The following PTPRT variants were observed in gnomAD, a reference collection of about 807,000 sequenced individuals.
The protein encoded by PTPRT is receptor-type tyrosine-protein phosphatase T.
A neutral mutation model predicts 176.8 loss-of-function variants in PTPRT; 56 were observed. The observed-to-expected ratio is 0.32, with a 90% CI of 0.26 to 0.40. The LOEUF is 0.40. Among genes scored for constraint, PTPRT ranks in the 10% least tolerant of loss-of-function variants. PTPRT has a pLI of 1.00. For missense variants in PTPRT, 1,540 were observed against 1,908.2 expected, an observed-to-expected ratio of 0.81 and a Z score of 3.60; for synonymous variants, 783 against 739.0, an observed-to-expected ratio of 1.06 and a Z score of -0.96.
intron 6 of PTPRT, among the ~76,000 whole-genome samples, chr20:42,707,881 T>C (rs1428351917): frequency 6.6e-6 from 1 of 152,154 alleles, no homozygotes; most frequent in African/African-American, 2.4e-5. Context: ...CAGCTTTGTG[T>C]TATATTGAAG....
intron 7 of PTPRT, among the ~76,000 whole-genome samples, chr20:42,564,588 G>T (rs1483355563): frequency 6.6e-6 from 1 of 152,036 alleles, no homozygotes; most frequent in Non-Finnish European, 1.5e-5. Context: ...GAGGTTGTTG[G>T]GGGGACAAGG....
At chr20:43,165,355 G>A (rs2014829068) in intron 1 of PTPRT, among the ~76,000 whole-genome samples, 1 of 152,002 alleles carries the variant, frequency 6.6e-6, no homozygotes, top group African/African-American at 2.4e-5. Flanking sequence ...TAGAGATGGG[G>A]TTTCACCATG....
chr20:42,316,026 T>C lies in PTPRT; in HGVS notation c.1866-30A>G, dbSNP rs780029646. 7.5e-6 allele frequency: 12 copies of C among 1,608,344 alleles called. No homozygotes were observed. The South Asian group carries it at 7.7e-5, about 10-fold the overall frequency. Reference sequence around the variant, plus strand: ...ACAGGAAAGAGGAGACACAGATGGTTGAGCAACTTTCTGGAAGAATGAGCT... The same window carrying C: ...ACAGGAAAGAGGAGACACAGATGGTCGAGCAACTTTCTGGAAGAATGAGCT... On this transcript the variant is annotated intron_variant, in intron 11 of 30. Transcript: ENST00000373187.
chr20:42,880,773 C>T (rs2079000943), intron 2 of PTPRT, among the ~76,000 whole-genome samples: 1 of 152,216 alleles, frequency 6.6e-6, no homozygotes, highest in Non-Finnish European at 1.5e-5. Context: ...GTAGTGAAAC[C>T]AGGTCTGAAG....
chr20:43,169,858 G>A (rs2014951984), intron 1 of PTPRT, among the ~76,000 whole-genome samples: 1 of 152,148 alleles, frequency 6.6e-6, no homozygotes, highest in African/African-American at 2.4e-5. Context: ...AGTAAGAGCT[G>A]CTGGCCACTG....
At chr20:43,160,110 GC>G (rs2014651133) in intron 1 of PTPRT, among the ~76,000 whole-genome samples, 1 of 152,146 alleles carries the variant, frequency 6.6e-6, no homozygotes, top group Admixed American at 6.5e-5. Context: ...ACAGACGTGG[GC>G]CCAGGAGACA....
At chr20:42,568,052 C>T (rs1015154523) in intron 7 of PTPRT, among the ~76,000 whole-genome samples, 5 of 151,756 alleles carry the variant, frequency 3.3e-5, no homozygotes, top group Admixed American at 6.6e-5. Flanking sequence ...TCACTGCAAC[C>T]GCCGCCTCCT....
intron 12 of PTPRT, among the ~76,000 whole-genome samples, chr20:42,297,558 A>T (rs2057405405): frequency 6.6e-6 from 1 of 152,202 alleles, no homozygotes; most frequent in South Asian, 2.1e-4. Flanking sequence ...GGGAACATGC[A>T]AGAAGAGCTA....
In PTPRT at chr20:43,189,326, T is replaced by C. The variant is rs1292430312; in HGVS notation, c.88+320A>G. Among the ~76,000 whole-genome samples, 1 of 151,956 alleles carries C rather than the reference T, an allele frequency of 6.6e-6. No individual in the cohort carries two copies. The highest frequency in any genetic ancestry group is 1.5e-5 in the Non-Finnish European group (1 of 67,988). ...CGCCCCAAACACTCAAGTGGCAGAT[T>C]CCGACAAGTGGGAGGCAGCAAGTGG... On this transcript the variant is annotated intron_variant, in intron 1 of 30. Coordinates refer to ENST00000373187, the MANE Select transcript of PTPRT (RefSeq NM_007050.6). The surrounding 1 kb of genome is among the most constrained non-coding windows in gnomAD (Gnocchi z 5.0).
chr20:42,839,835 A>C (rs1484773314), intron 2 of PTPRT, among the ~76,000 whole-genome samples: 1 of 152,120 alleles, frequency 6.6e-6, no homozygotes, highest in Non-Finnish European at 1.5e-5. Flanking sequence ...AGAGCTTTAA[A>C]AATTCTAATA....
At chr20:42,840,225 C>CGT (rs1600816651) in intron 2 of PTPRT, among the ~76,000 whole-genome samples, 1 of 151,534 alleles carries the variant, frequency 6.6e-6, no homozygotes, top group East Asian at 1.9e-4. Flanking sequence ...TGCGTTGTCA[C>CGT]GTTTTTCTCC....
chr20:43,174,820 G>T (rs2015087891), intron 1 of PTPRT, among the ~76,000 whole-genome samples: 1 of 152,192 alleles, frequency 6.6e-6, no homozygotes, highest in African/African-American at 2.4e-5. Context: ...ACCAAACCAT[G>T]AGTAGTGTCA....
chr20:42,268,163 C>T (rs917788397), intron 13 of PTPRT, among the ~76,000 whole-genome samples: 2 of 152,160 alleles, frequency 1.3e-5, no homozygotes, highest in African/African-American at 4.8e-5. Flanking sequence ...GCCATTATTG[C>T]TACCAGGGGA....
intron 1 of PTPRT, among the ~76,000 whole-genome samples, chr20:42,906,022 G>A (rs961114427): frequency 2.0e-5 from 3 of 151,988 alleles, no homozygotes; most frequent in Non-Finnish European, 2.9e-5. Flanking sequence ...CCTATGTATC[G>A]AACCTGCACG....
At chr20:42,799,921 T>G (rs1437251279) in intron 2 of PTPRT, among the ~76,000 whole-genome samples, 2 of 152,212 alleles carry the variant, frequency 1.3e-5, no homozygotes, top group East Asian at 3.9e-4. Flanking sequence ...GGCTTGGATT[T>G]TCTACCTAGA....
At chr20:43,094,092 T>TTTC (rs35835172) in intron 1 of PTPRT, among the ~76,000 whole-genome samples, 2,394 of 61,754 alleles carry the variant, frequency 0.039, 19 homozygotes, top group South Asian at 0.067. Flanking sequence ...TCTTTCTTTC[T>TTTC]TTTTTTTTTT....
At chr20:42,569,676 C>T (rs2073120668) in intron 7 of PTPRT, among the ~76,000 whole-genome samples, 1 of 152,132 alleles carries the variant, frequency 6.6e-6, no homozygotes, top group South Asian at 2.1e-4. Context: ...CCATTCAGAG[C>T]TCTCTGCACC....
intron 9 of PTPRT, among the ~76,000 whole-genome samples, chr20:42,391,830 A>G (rs1168058499): frequency 6.6e-6 from 1 of 152,190 alleles, no homozygotes; most frequent in Non-Finnish European, 1.5e-5. Flanking sequence ...ACTAAATGCT[A>G]TTGGATTTCC....
At chr20:42,689,087 C>A (rs935796201) in intron 6 of PTPRT, among the ~76,000 whole-genome samples, 1 of 152,144 alleles carries the variant, frequency 6.6e-6, no homozygotes, top group Non-Finnish European at 1.5e-5. Flanking sequence ...GGGCCCCACC[C>A]TCAAGCCTGA....
Sources: allele counts gnomAD v4.1 joint callset (sites outside exome capture counted in the v4.1 genomes callset), GRCh38; gene constraint gnomAD v4.1.1; non-coding constraint Gnocchi (gnomAD v3.1); transcripts MANE v1.5; gene names NCBI Gene and HGNC (gene_info 2026-07-23, HGNC 2026-07-21).